Variants in SLC4A10 observed in about 807,000 individuals in gnomAD.
The protein encoded by SLC4A10 is solute carrier family 4 member 10.
A neutral mutation model predicts 137.7 loss-of-function variants in SLC4A10; 42 were observed. The ratio of observed to expected loss-of-function variants is 0.30; its 90% CI spans 0.24 to 0.39. The LOEUF (loss-of-function observed/expected upper bound fraction) is 0.39, where lower values mean the gene tolerates loss of function less well. SLC4A10 is among the 10% of genes least tolerant of loss of function. SLC4A10 has a pLI of 1.00. For synonymous variants in SLC4A10, 474 were observed against 464.1 expected, an observed-to-expected ratio of 1.02 and a Z score of -0.27; for missense variants, 925 against 1,355.0, an observed-to-expected ratio of 0.68 and a Z score of 4.98.
At chr2:161,838,456 AAC>A (rs879817949) in intron 3 of SLC4A10, among the ~76,000 whole-genome samples, 1 of 152,064 alleles carries the variant, frequency 6.6e-6, no homozygotes, top group Non-Finnish European at 1.5e-5. Context: ...CATAATTTAT[AAC>A]ACACACACAC....
At position 161,624,759 on chromosome 2, in the gene SLC4A10, C is replaced by A. The variant is rs141193354; in HGVS notation, c.48+193C>A. Among the ~76,000 whole-genome samples the A allele has an allele frequency of 1.3e-4, 20 of 152,052 alleles. No homozygotes were observed. The East Asian group carries it at 1.8e-3, about 13-fold the overall frequency. On this transcript the variant is annotated intron_variant, in intron 1 of 26. Transcript: ENST00000446997. ...CAAAGCACACGATTCTCCTCCCCCC[C>A]CCTTCTCAATATGGATGCACTACGG...
At chr2:161,973,976 T>C (rs1336625646) in intron 23 of SLC4A10, among the ~76,000 whole-genome samples, 1 of 152,228 alleles carries the variant, frequency 6.6e-6, no homozygotes. Context: ...TTTTAAAAAA[T>C]ATGCTTGGAA....
At chr2:161,652,725 A>G (rs570937189) in intron 1 of SLC4A10, among the ~76,000 whole-genome samples, 2 of 152,068 alleles carry the variant, frequency 1.3e-5, no homozygotes, top group Admixed American at 1.3e-4. Flanking sequence ...CTGAGATTTT[A>G]TGACCATTGA....
In SLC4A10 at chr2:161,901,816, A is replaced by G. The variant is rs575107487; in HGVS notation, c.1442+805A>G. Among the ~76,000 whole-genome samples the G allele has an allele frequency of 1.1e-4, 16 of 152,204 alleles. No individual in the cohort carries two copies. The South Asian group carries it at 2.9e-3, about 28-fold the overall frequency. ...GGAAATGTCCTTTAATGTCTTCCTC[A>G]GGCTTGATACCTAATTTGAGATGGT... is the stretch of plus-strand genomic sequence containing the variant. On this transcript the variant is annotated intron_variant, in intron 12 of 26. Coordinates refer to ENST00000446997, the MANE Select transcript of SLC4A10 (RefSeq NM_001178015.2).
chr2:161,774,963 T>C (rs1205127277), intron 2 of SLC4A10, among the ~76,000 whole-genome samples: 1 of 151,860 alleles, frequency 6.6e-6, no homozygotes, highest in Non-Finnish European at 1.5e-5. Context: ...GAGCACCACA[T>C]TGGTTATTTA....
chr2:161,708,150 C>T (rs766429814), intron 1 of SLC4A10, among the ~76,000 whole-genome samples: 1 of 151,414 alleles, frequency 6.6e-6, no homozygotes, highest in Non-Finnish European at 1.5e-5. Context: ...ACTATTTATA[C>T]AACTATCAAA....
intron 4 of SLC4A10, among the ~76,000 whole-genome samples, chr2:161,842,645 A>G (rs2059252621): frequency 6.6e-6 from 1 of 152,130 alleles, no homozygotes; most frequent in Non-Finnish European, 1.5e-5. Flanking sequence ...TACTTTAAAT[A>G]TAGACTTAAA....
chr2:161,778,869 G>T (rs781329981), intron 2 of SLC4A10, among the ~76,000 whole-genome samples: 5 of 151,844 alleles, frequency 3.3e-5, no homozygotes, highest in Non-Finnish European at 5.9e-5. Flanking sequence ...TTTACTCCTT[G>T]CATTTGGGCA....
chr2:161,840,402 T>A (rs564034184), intron 4 of SLC4A10, among the ~76,000 whole-genome samples: 22 of 152,340 alleles, frequency 1.4e-4, no homozygotes, highest in Non-Finnish European at 2.4e-4. Flanking sequence ...ATGCATACAT[T>A]TAAGCATAGT....
intron 11 of SLC4A10, among the ~76,000 whole-genome samples, chr2:161,895,364 A>G (rs551361875): frequency 6.6e-6 from 1 of 152,262 alleles, no homozygotes; most frequent in East Asian, 1.9e-4. Context: ...ATAGTGCCGC[A>G]ATAAACATAC....
At chr2:161,975,022 A>C (rs538458078) in intron 24 of SLC4A10, among the ~76,000 whole-genome samples, 2 of 152,170 alleles carry the variant, frequency 1.3e-5, no homozygotes, top group Non-Finnish European at 2.9e-5. Flanking sequence ...AGGTTATGCC[A>C]ATAAAAATAC....
At chr2:161,808,550 C>A (rs2056231837) in intron 3 of SLC4A10, among the ~76,000 whole-genome samples, 2 of 151,990 alleles carry the variant, frequency 1.3e-5, no homozygotes, top group African/African-American at 4.8e-5. Flanking sequence ...TATAGTTTTA[C>A]AACCCTTGTT....
chr2:161,680,289 A>G (rs1291183504), intron 1 of SLC4A10, among the ~76,000 whole-genome samples: 2 of 152,190 alleles, frequency 1.3e-5, no homozygotes, highest in Non-Finnish European at 2.9e-5. Context: ...AAATATTTAG[A>G]TGAGCTGGAA....
chr2:161,650,698 A>G (rs1490138292), intron 1 of SLC4A10, among the ~76,000 whole-genome samples: 1 of 152,114 alleles, frequency 6.6e-6, no homozygotes, highest in Non-Finnish European at 1.5e-5. Context: ...TGCGGTTGCA[A>G]CCTGGCTGGG....
intron 2 of SLC4A10, among the ~76,000 whole-genome samples, chr2:161,778,177 C>T (rs1335930152): frequency 1.3e-5 from 2 of 151,770 alleles, no homozygotes; most frequent in African/African-American, 4.8e-5. Flanking sequence ...CTGTATTGTC[C>T]AATGCCAAAT....
chr2:161,692,232 C>A (rs1284207379), intron 1 of SLC4A10, among the ~76,000 whole-genome samples: 2 of 151,822 alleles, frequency 1.3e-5, no homozygotes, highest in African/African-American at 2.4e-5. Flanking sequence ...TATAAATTAG[C>A]ATTTTTAAGA....
At chr2:161,764,880 C>T (rs1345546029) in intron 1 of SLC4A10, among the ~76,000 whole-genome samples, 1 of 152,208 alleles carries the variant, frequency 6.6e-6, no homozygotes, top group African/African-American at 2.4e-5. Context: ...CTAAACTTAG[C>T]ACAACTGACA....
intron 4 of SLC4A10, among the ~76,000 whole-genome samples, chr2:161,847,861 A>G (rs973819204): frequency 6.6e-6 from 1 of 152,160 alleles, no homozygotes; most frequent in Non-Finnish European, 1.5e-5. Flanking sequence ...TCTATGGTAG[A>G]ACGATTTATA....
chr2:161,944,412 AAAT>A (rs1355456829), intron 16 of SLC4A10, among the ~76,000 whole-genome samples: 1 of 151,834 alleles, frequency 6.6e-6, no homozygotes, highest in East Asian at 1.9e-4. Context: ...ATTTAATACT[AAAT>A]AATAATATTC....
Sources: gnomAD v4.1 joint callset for allele counts (sites outside exome capture counted in the v4.1 genomes callset) on GRCh38, gnomAD v4.1.1 for gene constraint, MANE v1.5 for transcripts, NCBI Gene and HGNC (gene_info 2026-07-23, HGNC 2026-07-21) for gene names.